The following ATP6V1A variants were observed in gnomAD, a reference collection of about 807,000 sequenced individuals.
ATP6V1A encodes the protein ATPase H+ transporting V1 subunit A, also known as V-type proton ATPase catalytic subunit A.
A neutral mutation model predicts 70.1 loss-of-function variants in ATP6V1A; 18 were observed. That is an observed-to-expected ratio of 0.26 (90% CI 0.18 to 0.38). The LOEUF (loss-of-function observed/expected upper bound fraction) is 0.38. Ranked by LOEUF, ATP6V1A falls within the 10% of genes least tolerant of loss-of-function variation. ATP6V1A has a pLI of 1.00. For missense variants in ATP6V1A, 424 were observed against 772.4 expected (o/e 0.55, Z 5.35); for synonymous variants, 232 against 253.8 (o/e 0.91, Z 0.82).
At chr3:113,767,113 A>G (rs1708781119) in intron 1 of ATP6V1A, among the ~76,000 whole-genome samples, 2 of 128,252 alleles carry the variant, frequency 1.6e-5, no homozygotes, top group South Asian at 4.8e-4. Flanking sequence ...TTTTTTTGAG[A>G]CAGAGTCTTG....
chr3:113,790,982 C>A (rs1039119847), intron 8 of ATP6V1A, among the ~76,000 whole-genome samples: 3 of 151,982 alleles, frequency 2.0e-5, no homozygotes, highest in African/African-American at 7.2e-5. Context: ...AAAGGACTTT[C>A]TCTTTAAATT....
At chr3:113,806,596 T>C (rs1192111992) in intron 14 of ATP6V1A, among the ~76,000 whole-genome samples, 7 of 151,998 alleles carry the variant, frequency 4.6e-5, no homozygotes, top group Non-Finnish European at 8.8e-5. Context: ...GTAGCTGGGA[T>C]TACAGGTGCC....
chr3:113,798,620 G>A (rs1249873563), intron 12 of ATP6V1A, among the ~76,000 whole-genome samples, 174 bp downstream of exon 12: 1 of 152,086 alleles, frequency 6.6e-6, no homozygotes, highest in Non-Finnish European at 1.5e-5. Context: ...TGGGTATATT[G>A]TATGTGAGAA....
At chr3:113,807,168 CTTTTTCTTTT>C (rs991219115) in intron 14 of ATP6V1A, among the ~76,000 whole-genome samples, 14 of 143,776 alleles carry the variant, frequency 9.7e-5, no homozygotes, top group African/African-American at 2.8e-4. Flanking sequence ...TTATTAAATT[CTTTTTCTTTT>C]TTTTTCTTTT....
chr3:113,765,820 G>A (rs534692011), intron 1 of ATP6V1A, among the ~76,000 whole-genome samples: 83 of 151,376 alleles, frequency 5.5e-4, no homozygotes, highest in Non-Finnish European at 1.1e-3. Flanking sequence ...CCAGCTACTC[G>A]GGAGGCTGAG....
At chr3:113,797,084 C>T (rs906572098) in intron 11 of ATP6V1A, among the ~76,000 whole-genome samples, 2 of 151,682 alleles carry the variant, frequency 1.3e-5, no homozygotes, top group Admixed American at 6.6e-5. Flanking sequence ...TATAGGCACC[C>T]GCCACCACAC....
intron 1 of ATP6V1A, among the ~76,000 whole-genome samples, chr3:113,759,683 T>A (rs1708680413): frequency 6.6e-6 from 1 of 152,186 alleles, no homozygotes; most frequent in South Asian, 2.1e-4. Flanking sequence ...GGATTCAGCT[T>A]TGGCGTCAGT....
intron 1 of ATP6V1A, among the ~76,000 whole-genome samples, chr3:113,768,390 C>CT (rs1402792729): frequency 6.6e-6 from 1 of 151,906 alleles, no homozygotes; most frequent in Non-Finnish European, 1.5e-5. Context: ...TTTCAAAGTC[C>CT]TTTCTTGTTG....
intron 1 of ATP6V1A, among the ~76,000 whole-genome samples, chr3:113,748,968 T>C (rs1708555295): frequency 6.6e-6 from 1 of 152,142 alleles, no homozygotes; most frequent in Non-Finnish European, 1.5e-5. Context: ...CAGGTGACAT[T>C]GCACCACGTA....
chr3:113,784,944 G>C, intron 5 of ATP6V1A, 111 bp downstream of exon 5: 1 of 1,164,498 alleles, frequency 8.6e-7, no homozygotes, highest in South Asian at 2.0e-5. Context: ...CATAAGTTTT[G>C]AGTAACTCCT....
chr3:113,791,363 A>T (rs1429662660), intron 8 of ATP6V1A, among the ~76,000 whole-genome samples: 1 of 144,898 alleles, frequency 6.9e-6, no homozygotes, highest in African/African-American at 2.5e-5. Context: ...ATGCCTTGAG[A>T]TTTTATTTTG....
intron 1 of ATP6V1A, among the ~76,000 whole-genome samples, chr3:113,751,364 G>C (rs1708584622): frequency 6.6e-6 from 1 of 151,352 alleles, no homozygotes; most frequent in Non-Finnish European, 1.5e-5. Context: ...AGTAAGTATA[G>C]CTATCATGAG....
intron 13 of ATP6V1A, 99 bp downstream of exon 13, chr3:113,803,776 C>T: frequency 1.2e-6 from 1 of 826,142 alleles, no homozygotes; most frequent in Non-Finnish European, 2.0e-6. Context: ...CATACAGGCT[C>T]ATACACTCTG....
chr3:113,785,097 T>G (rs1434589890), intron 5 of ATP6V1A, among the ~76,000 whole-genome samples: 2 of 152,236 alleles, frequency 1.3e-5, no homozygotes, highest in Non-Finnish European at 2.9e-5. Context: ...CCTAGTTGTT[T>G]AGGCATAGAA....
intron 1 of ATP6V1A, among the ~76,000 whole-genome samples, chr3:113,763,861 GT>G (rs76578523): frequency 0.33 from 49,974 of 151,964 alleles, 8,379 homozygotes; most frequent in East Asian, 0.36. Context: ...GGATCTGTGT[GT>G]TTGTAAGAAT....
At chr3:113,751,371 T>A (rs1257237652) in intron 1 of ATP6V1A, among the ~76,000 whole-genome samples, 2 of 151,852 alleles carry the variant, frequency 1.3e-5, no homozygotes, top group East Asian at 3.8e-4. Context: ...ATAGCTATCA[T>A]GAGTTTATGA....
rs1437941949 is a variant in ATP6V1A at position 113,805,540 on chromosome 3, T to G, written c.1761+15T>G. 1 of 1,585,262 alleles carries G rather than the reference T, an allele frequency of 6.3e-7. No individual in the cohort carries two copies. On this transcript the variant is annotated intron_variant, in intron 14 of 14. Coordinates refer to ENST00000273398, the MANE Select transcript of ATP6V1A (RefSeq NM_001690.4). ...TGAAATTCAAGGTATATTTTGTTTC[T>G]GCTGTAACTTTTTTTATTTGGAAAT...
chr3:113,796,355 C>T (rs567467725), intron 11 of ATP6V1A, among the ~76,000 whole-genome samples: 1 of 152,294 alleles, frequency 6.6e-6, no homozygotes, highest in East Asian at 1.9e-4. Flanking sequence ...TTCTTTCCAT[C>T]TTGTGACTCC....
At position 113,788,725 on chromosome 3, in the gene ATP6V1A, A is replaced by T; in HGVS notation, c.729A>T (p.Gly243=). Residue 243 remains glycine, a synonymous_variant, in exon 7 of 15, where the codon GGA becomes GGT. Transcript: ENST00000273398. The part of the protein sequence containing the change: ...VLDALFPCVQ[G]GTTAIPGAFG... ...TTTCTTTGTTTAGGTGTGTCCAGGG[A>T]GGAACTACTGCTATCCCTGGAGCCT... The T allele has an allele frequency of 6.2e-7, 1 of 1,613,686 alleles. No individual in the cohort carries two copies. The highest frequency in any genetic ancestry group is 1.1e-5 in the South Asian group (1 of 91,022).
Sources: allele counts gnomAD v4.1 joint callset (sites outside exome capture counted in the v4.1 genomes callset), GRCh38; gene constraint gnomAD v4.1.1; transcripts MANE v1.5; gene names NCBI Gene and HGNC (gene_info 2026-07-23, HGNC 2026-07-21).